DYM: variants seen among roughly 807,000 people sequenced by gnomAD.
The protein encoded by DYM is dyggve-Melchior-Clausen syndrome protein.
DYM carries 78 observed loss-of-function variants against 93.1 expected under a neutral mutation model. The observed-to-expected ratio is 0.84, with a 90% CI of 0.70 to 1.01. The LOEUF is 1.01. Among genes scored for constraint, DYM ranks in the 50% least tolerant of loss-of-function variants. The probability of loss-of-function intolerance (pLI) is 0.00; values close to 1 mark genes in which losing one functional copy is unlikely to be tolerated. For synonymous variants in DYM, 321 were observed against 319.7 expected, an observed-to-expected ratio of 1.00 and a Z score of -0.04; for missense variants, 789 against 845.0, an observed-to-expected ratio of 0.93 and a Z score of 0.82.
intron 15 of DYM, among the ~76,000 whole-genome samples, chr18:49,160,539 T>G (rs968471662): frequency 2.0e-5 from 3 of 149,728 alleles, no homozygotes; most frequent in African/African-American, 7.4e-5. Flanking sequence ...GTACATTCAG[T>G]CTTGGTGTAG....
At chr18:49,217,799 C>T (rs941501264) in intron 13 of DYM, among the ~76,000 whole-genome samples, 3 of 152,210 alleles carry the variant, frequency 2.0e-5, no homozygotes, top group Admixed American at 6.5e-5. Context: ...ACTGCAAAAA[C>T]ATGCCAAATT....
chr18:49,292,813 G>GT (rs1295749438), intron 8 of DYM, among the ~76,000 whole-genome samples: 2 of 152,102 alleles, frequency 1.3e-5, no homozygotes, highest in East Asian at 3.9e-4. Flanking sequence ...CAAATCTGGT[G>GT]TTGACAAGTT....
intron 15 of DYM, among the ~76,000 whole-genome samples, chr18:49,156,530 G>C (rs572438872): frequency 6.6e-6 from 1 of 151,906 alleles, no homozygotes; most frequent in Non-Finnish European, 1.5e-5. Flanking sequence ...TCAGGAGTTC[G>C]AGACCAGCCT....
At chr18:49,383,808 T>C (rs1213320618) in intron 3 of DYM, among the ~76,000 whole-genome samples, 1 of 152,218 alleles carries the variant, frequency 6.6e-6, no homozygotes, top group Non-Finnish European at 1.5e-5. Flanking sequence ...GCCTGTAATA[T>C]AGTAGGTGCT....
chr18:49,078,772 T>C (rs753740798), intron 17 of DYM, among the ~76,000 whole-genome samples: 1 of 152,148 alleles, frequency 6.6e-6, no homozygotes, highest in Admixed American at 6.5e-5. Flanking sequence ...TAAATATGAA[T>C]GTTATATATT....
At chr18:49,331,456 T>C (rs888557444) in intron 8 of DYM, among the ~76,000 whole-genome samples, 7 of 152,240 alleles carry the variant, frequency 4.6e-5, no homozygotes, top group African/African-American at 1.7e-4. Context: ...CTTAGTGTAA[T>C]AGGAAAACTG....
rs544154998 is a variant in DYM, at chr18:49,100,461, C to T, written c.1912-2946G>A. On this transcript the variant is annotated intron_variant, in intron 16 of 17. Transcript: ENST00000675505. ...GACTCTGCGGCCTATACTGGCTTTC[C>T]TCTAAGCCACAAGGAATTTCCATTT... Among the ~76,000 whole-genome samples the T allele has an allele frequency of 1.4e-3, 220 of 152,098 alleles. 1 individual carries two copies. The highest frequency in any genetic ancestry group is 4.9e-3 in the African/African-American group (204 of 41,504).
chr18:49,223,632 T>C (rs550153499), intron 13 of DYM, among the ~76,000 whole-genome samples: 1 of 152,234 alleles, frequency 6.6e-6, no homozygotes, highest in South Asian at 2.1e-4. Context: ...ATCAAATTGA[T>C]GTAAATGAGT....
intron 8 of DYM, among the ~76,000 whole-genome samples, chr18:49,291,407 G>A (rs1289367462): frequency 6.6e-6 from 1 of 152,072 alleles, no homozygotes; most frequent in Non-Finnish European, 1.5e-5. Context: ...CTACACAATT[G>A]TGAGCCTACA....
chr18:49,159,482 A>G lies in DYM; in HGVS notation c.1728+4203T>C, dbSNP rs191403529. Reference sequence around the variant, plus strand: ...CAGCCAGTGATATAGTCCAGAGTTAACGGTATCTTAGAATTCCATATAGAA... The same window carrying G: ...CAGCCAGTGATATAGTCCAGAGTTAGCGGTATCTTAGAATTCCATATAGAA... On this transcript the variant is annotated intron_variant, in intron 15 of 17. Coordinates refer to ENST00000675505, the MANE Select transcript of DYM (RefSeq NM_001353214.3). Among the ~76,000 whole-genome samples the G allele has an allele frequency of 3.3e-3, 497 of 152,330 alleles. 1 individual carries two copies. Among genetic ancestry groups the G allele is most frequent in the Non-Finnish European group, 4.0e-3 (275 of 68,032 alleles).
At chr18:49,298,467 G>A (rs1432417640) in intron 8 of DYM, among the ~76,000 whole-genome samples, 1 of 151,866 alleles carries the variant, frequency 6.6e-6, no homozygotes, top group Non-Finnish European at 1.5e-5. Context: ...TGTAATCCCA[G>A]CTACTCAGGA....
intron 13 of DYM, among the ~76,000 whole-genome samples, chr18:49,234,085 C>T (rs1289769834): frequency 6.6e-6 from 1 of 151,990 alleles, no homozygotes; most frequent in African/African-American, 2.4e-5. Context: ...GCCGTGATCG[C>T]ACCACTGCAC....
At chr18:49,422,725 A>G (rs533736853) in intron 2 of DYM, among the ~76,000 whole-genome samples, 56 of 152,348 alleles carry the variant, frequency 3.7e-4, no homozygotes, top group African/African-American at 1.3e-3. Context: ...ACGGAAAACA[A>G]AAAACAGCAG....
At chr18:49,100,200 C>T (rs182905867) in intron 16 of DYM, among the ~76,000 whole-genome samples, 6 of 152,082 alleles carry the variant, frequency 3.9e-5, no homozygotes, top group Non-Finnish European at 8.8e-5. Context: ...TAAATAACAG[C>T]TCTAATATTT....
At chr18:49,074,058 A>G (rs1267349985) in intron 17 of DYM, among the ~76,000 whole-genome samples, 1 of 152,230 alleles carries the variant, frequency 6.6e-6, no homozygotes, top group East Asian at 1.9e-4. Context: ...ATGAATTGAA[A>G]AAGATGACCA....
intron 16 of DYM, among the ~76,000 whole-genome samples, chr18:49,106,608 G>C (rs370383367): frequency 1.3e-5 from 2 of 152,240 alleles, no homozygotes; most frequent in African/African-American, 4.8e-5. Flanking sequence ...CTGGTGGTGA[G>C]AAAATCTCTC....
At chr18:49,140,296 G>C (rs1345833516) in intron 15 of DYM, among the ~76,000 whole-genome samples, 1 of 152,082 alleles carries the variant, frequency 6.6e-6, no homozygotes, top group African/African-American at 2.4e-5. Context: ...TATAGTTTTT[G>C]ATAGGAAAAT....
intron 6 of DYM, among the ~76,000 whole-genome samples, chr18:49,350,581 C>T (rs888005056): frequency 3.9e-5 from 6 of 151,954 alleles, no homozygotes; most frequent in Non-Finnish European, 8.8e-5. Flanking sequence ...TGGCGGGCGC[C>T]TGTAATTCCA....
chr18:49,282,789 C>T (rs746936130), intron 9 of DYM, among the ~76,000 whole-genome samples: 30 of 151,940 alleles, frequency 2.0e-4, no homozygotes, highest in Non-Finnish European at 1.9e-4. Context: ...TTAACCAGGA[C>T]GTTGAGATAA....
Sources: allele counts gnomAD v4.1 joint callset (sites outside exome capture counted in the v4.1 genomes callset), GRCh38; gene constraint gnomAD v4.1.1; transcripts MANE v1.5; gene names NCBI Gene and HGNC (gene_info 2026-07-23, HGNC 2026-07-21).